The following CNTN5 variants were observed in gnomAD, a reference collection of about 807,000 sequenced individuals.
CNTN5 encodes contactin 5, also known as contactin-5.
In CNTN5, 77 loss-of-function variants were observed where a neutral mutation model predicts 129.1. That is an observed-to-expected ratio of 0.60 (90% confidence interval 0.50 to 0.72). The LOEUF (loss-of-function observed/expected upper bound fraction) is 0.72, where lower values mean the gene tolerates loss of function less well. Ranked by LOEUF, CNTN5 falls within the 30% of genes least tolerant of loss-of-function variation. CNTN5 has a pLI of 0.00. For missense variants in CNTN5, 1,478 were observed against 1,328.8 expected, an observed-to-expected ratio of 1.11 and a Z score of -1.75; for synonymous variants, 509 against 465.6, an observed-to-expected ratio of 1.09 and a Z score of -1.20.
chr11:99,614,298 G>A (rs559453134), intron 3 of CNTN5, among the ~76,000 whole-genome samples: 2 of 152,038 alleles, frequency 1.3e-5, no homozygotes, highest in Non-Finnish European at 2.9e-5. Context: ...TCAGGTTTCC[G>A]AATCAAGTCA....
At chr11:99,486,444 A>G (rs1440429477) in intron 2 of CNTN5, among the ~76,000 whole-genome samples, 1 of 151,980 alleles carries the variant, frequency 6.6e-6, no homozygotes, top group Non-Finnish European at 1.5e-5. Flanking sequence ...TTGTTTAGAT[A>G]ATAGTCAGTA....
Position 99,790,691 on chromosome 11 carries a change from A to G in CNTN5, c.56-28853A>G, listed in dbSNP as rs754105395. 2.6e-5 allele frequency among the ~76,000 whole-genome samples: 4 copies of G among 152,072 alleles called. No homozygotes were observed. In the East Asian group the frequency reaches 7.7e-4, roughly 29 times the overall value. Reference sequence around the variant, plus strand: ...AGATTCCCTGGAGTATATACCCAATAATGGGATTTCTAGGTCACATGGTAA... The same window carrying G: ...AGATTCCCTGGAGTATATACCCAATGATGGGATTTCTAGGTCACATGGTAA... On this transcript the variant is annotated intron_variant, in intron 3 of 24. Coordinates refer to ENST00000524871, the MANE Select transcript of CNTN5 (RefSeq NM_014361.4).
intron 18 of CNTN5, among the ~76,000 whole-genome samples, chr11:100,275,191 G>GT (rs1230786167): frequency 6.6e-6 from 1 of 151,838 alleles, no homozygotes; most frequent in African/African-American, 2.4e-5. Context: ...ATTATAAGTT[G>GT]TTTTTTTCTG....
intron 2 of CNTN5, among the ~76,000 whole-genome samples, chr11:99,381,267 A>G (rs1302246651): frequency 2.0e-5 from 3 of 152,198 alleles, no homozygotes; most frequent in Non-Finnish European, 4.4e-5. Flanking sequence ...AATGGGGGGA[A>G]GAGACATAGT....
At chr11:100,324,649 C>T (rs1951755421) in intron 21 of CNTN5, among the ~76,000 whole-genome samples, 1 of 152,092 alleles carries the variant, frequency 6.6e-6, no homozygotes, top group Non-Finnish European at 1.5e-5. Flanking sequence ...AAAAGACATA[C>T]ACTGAACTAC....
intron 2 of CNTN5, among the ~76,000 whole-genome samples, chr11:99,449,816 C>T (rs1177887852): frequency 1.3e-5 from 2 of 152,194 alleles, no homozygotes; most frequent in Non-Finnish European, 2.9e-5. Flanking sequence ...TATTGGTCTA[C>T]TGGTATCACT....
chr11:99,032,713 A>G (rs1362394106), intron 1 of CNTN5, among the ~76,000 whole-genome samples: 3 of 149,720 alleles, frequency 2.0e-5, no homozygotes, highest in South Asian at 2.1e-4. Flanking sequence ...CCCATTTTGT[A>G]GGTTGCCTGT....
At chr11:99,504,486 A>T (rs1437712781) in intron 2 of CNTN5, among the ~76,000 whole-genome samples, 1 of 147,162 alleles carries the variant, frequency 6.8e-6, no homozygotes, top group East Asian at 2.1e-4. Flanking sequence ...GGGTGCAGTG[A>T]GCCACTGCAC....
At chr11:99,139,427 A>T (rs1179275459) in intron 1 of CNTN5, among the ~76,000 whole-genome samples, 1 of 152,152 alleles carries the variant, frequency 6.6e-6, no homozygotes, top group Non-Finnish European at 1.5e-5. Context: ...TAGTACAGAA[A>T]CATTGCTTGG....
chr11:100,179,678 C>G (rs1000710655), intron 13 of CNTN5, among the ~76,000 whole-genome samples: 11 of 151,828 alleles, frequency 7.2e-5, no homozygotes, highest in Admixed American at 3.3e-4. Flanking sequence ...CTGATTATAC[C>G]TGAGAGGTGA....
rs1003801217 is a variant in CNTN5, at chr11:99,916,014, C to A, written c.578-40C>A. The A allele has an allele frequency of 3.4e-6, 5 of 1,473,072 alleles. No homozygotes were observed. In the Admixed American group the frequency reaches 7.2e-5, roughly 21 times the overall value. The allele number at this position is 1,473,072 out of a possible 1,614,324, so 91.3% of individuals were successfully genotyped here. On this transcript the variant is annotated intron_variant, in intron 6 of 24. Transcript: ENST00000524871. ...TACAATCATAGCAATTCTTTACATT[C>A]TTTTCTGCCTTGGATCTAAATGTTT...
In CNTN5 at chr11:99,783,119, A is replaced by C. The variant is rs1182604287; in HGVS notation, c.56-36425A>C. The stretch of plus-strand genomic sequence containing the variant: ...TAGAATCTACAATGAACTCAAACAA[A>C]TTTACAAGAAAAAAACAACCCCATC... On this transcript the variant is annotated intron_variant, in intron 3 of 24. Coordinates refer to ENST00000524871, the MANE Select transcript of CNTN5 (RefSeq NM_014361.4). Among the ~76,000 whole-genome samples the C allele has an allele frequency of 2.4e-5, 2 of 84,262 alleles. 1 individual carries two copies. The highest frequency in any genetic ancestry group is 5.0e-5 in the Non-Finnish European group (2 of 40,130). The allele number at this position is 84,262 out of a possible 152,430, so 55.3% of individuals were successfully genotyped here.
intron 13 of CNTN5, among the ~76,000 whole-genome samples, chr11:100,094,765 A>AAAGGAAGGAAG (rs1944931932): frequency 5.3e-5 from 6 of 113,850 alleles, no homozygotes; most frequent in African/African-American, 1.9e-4. Flanking sequence ...GGGAGGGAGG[A>AAAGGAAGGAAG]AAGGAAGGAA....
intron 6 of CNTN5, among the ~76,000 whole-genome samples, chr11:99,872,384 A>G (rs972136473): frequency 1.3e-5 from 2 of 152,114 alleles, no homozygotes; most frequent in African/African-American, 2.4e-5. Flanking sequence ...CAAAAACACA[A>G]TATTTAATGA....
chr11:99,460,513 T>C (rs112072733), intron 2 of CNTN5, among the ~76,000 whole-genome samples: 1,845 of 152,022 alleles, frequency 0.012, 40 homozygotes, highest in African/African-American at 0.042. Flanking sequence ...AAGGAATAAT[T>C]CATTTTTTTA....
chr11:99,211,309 G>C (rs1191535428), intron 1 of CNTN5, among the ~76,000 whole-genome samples: 2 of 151,976 alleles, frequency 1.3e-5, no homozygotes. Context: ...GATTTTTTGG[G>C]GGGTTTGTTT....
chr11:99,531,255 G>C (rs1947693898), intron 2 of CNTN5, among the ~76,000 whole-genome samples: 1 of 152,188 alleles, frequency 6.6e-6, no homozygotes, highest in African/African-American at 2.4e-5. Flanking sequence ...CCCTGCCATA[G>C]AGATTTGCGG....
At chr11:100,237,258 CACTG>C (rs1305231752) in intron 16 of CNTN5, among the ~76,000 whole-genome samples, 1 of 151,742 alleles carries the variant, frequency 6.6e-6, no homozygotes, top group Non-Finnish European at 1.5e-5. Flanking sequence ...AAAGGCAACC[CACTG>C]ACTGACTGGT....
At chr11:100,144,298 G>A (rs931638238) in intron 13 of CNTN5, among the ~76,000 whole-genome samples, 25 of 151,788 alleles carry the variant, frequency 1.6e-4, no homozygotes, top group African/African-American at 5.1e-4. Context: ...CTGGGGTTTC[G>A]GCTTCTATTG....
Sources: gnomAD v4.1 joint callset for allele counts (sites outside exome capture counted in the v4.1 genomes callset) on GRCh38, gnomAD v4.1.1 for gene constraint, MANE v1.5 for transcripts, NCBI Gene and HGNC (gene_info 2026-07-23, HGNC 2026-07-21) for gene names.